Variants in EPB41L3 observed in about 807,000 individuals in gnomAD.
EPB41L3 encodes the protein erythrocyte membrane protein band 4.1 like 3.
EPB41L3 carries 57 observed loss-of-function variants against 127.1 expected under a neutral mutation model. The observed-to-expected ratio is 0.45, with a 90% CI of 0.36 to 0.56. The LOEUF is 0.56. EPB41L3 is among the 20% of genes least tolerant of loss of function. The pLI, the probability that EPB41L3 is intolerant of heterozygous loss-of-function variation, is 0.00. For synonymous variants in EPB41L3, 572 were observed against 549.5 expected (o/e 1.04, Z -0.57); for missense variants, 1,273 against 1,372.2 (o/e 0.93, Z 1.14).
At chr18:5,575,066 A>T (rs2094324120) in intron 3 of EPB41L3, among the ~76,000 whole-genome samples, 3 of 152,096 alleles carry the variant, frequency 2.0e-5, no homozygotes, top group African/African-American at 7.2e-5. Flanking sequence ...ACTACTAACT[A>T]GGGTTACATC....
At chr18:5,628,731 C>A (rs1175109485) in intron 1 of EPB41L3, among the ~76,000 whole-genome samples, 1 of 152,104 alleles carries the variant, frequency 6.6e-6, no homozygotes, top group Non-Finnish European at 1.5e-5. Context: ...GAACGCGCCG[C>A]GTGGTTGCTG....
At chr18:5,479,727 A>C (rs931644437) in intron 2 of EPB41L3, 20 of 150,400 alleles carry the variant, frequency 1.3e-4, no homozygotes, top group African/African-American at 4.4e-4. Flanking sequence ...CCAATTCTAA[A>C]GGCCAAAACA....
At chr18:5,460,468 T>C (rs1729037478) in intron 3 of EPB41L3, among the ~76,000 whole-genome samples, 1 of 152,224 alleles carries the variant, frequency 6.6e-6, no homozygotes, top group Admixed American at 6.5e-5. Flanking sequence ...TATATACACA[T>C]AGATATGTAT....
At chr18:5,525,501 T>C (rs957454102) in intron 1 of EPB41L3, among the ~76,000 whole-genome samples, 1 of 152,184 alleles carries the variant, frequency 6.6e-6, no homozygotes, top group Non-Finnish European at 1.5e-5. Flanking sequence ...GACACTGACA[T>C]TAAGTGATAC....
chr18:5,431,006 C>A (rs566559102), intron 8 of EPB41L3, among the ~76,000 whole-genome samples: 2 of 152,088 alleles, frequency 1.3e-5, no homozygotes, highest in East Asian at 1.9e-4. Flanking sequence ...AAGGGGCATA[C>A]GATTTCTTTA....
chr18:5,501,260 G>C (rs939596260), intron 1 of EPB41L3, among the ~76,000 whole-genome samples: 1 of 145,906 alleles, frequency 6.9e-6, no homozygotes. Flanking sequence ...CAGCAGACTG[G>C]GGGTCATTAA....
intron 1 of EPB41L3, among the ~76,000 whole-genome samples, chr18:5,625,509 T>C (rs1166013949): frequency 1.3e-5 from 2 of 152,222 alleles, no homozygotes; most frequent in Non-Finnish European, 2.9e-5. Flanking sequence ...ATGAAATTGA[T>C]GAATGAAATT....
upstream of EPB41L3, among the ~76,000 whole-genome samples, chr18:5,545,737 T>C (rs1598886459): frequency 1.3e-5 from 2 of 152,280 alleles, no homozygotes; most frequent in South Asian, 2.1e-4. Flanking sequence ...AGGGCCTGAA[T>C]TGTCTTTCAG....
At chr18:5,540,606 AG>A (rs2149040317) in intron 1 of EPB41L3, 1 of 949,620 alleles carries the variant, frequency 1.1e-6, no homozygotes, top group Admixed American at 6.2e-5. Context: ...ACAAATCAGC[AG>A]CTAGCTAGCC....
Position 5,395,059 on chromosome 18 carries a change from C to G in EPB41L3, c.3153+8G>C. On this transcript the variant is annotated splice_region_variant and intron_variant, in intron 21 of 22. Coordinates refer to ENST00000341928, the MANE Select transcript of EPB41L3 (RefSeq NM_012307.5). ...CTGCCAGGGTATTTACCGTCTCACA[C>G]ACACTACCTGGTCATGGTCAATGTC... 1 of 1,613,816 alleles carries G rather than the reference C, an allele frequency of 6.2e-7. No individual in the cohort carries two copies. Among genetic ancestry groups the G allele is most frequent in the Non-Finnish European group, 8.5e-7 (1 of 1,179,672 alleles).
At chr18:5,540,827 G>A (rs1207988230) in intron 1 of EPB41L3, among the ~76,000 whole-genome samples, 2 of 152,102 alleles carry the variant, frequency 1.3e-5, no homozygotes, top group African/African-American at 4.8e-5. Flanking sequence ...GCTCACGCCT[G>A]TAATCCCAGC....
chr18:5,547,125 CAGAA>C (rs1315544685), upstream of EPB41L3, among the ~76,000 whole-genome samples: 1 of 152,152 alleles, frequency 6.6e-6, no homozygotes. Flanking sequence ...CTCTTCCACA[CAGAA>C]AGGAGAAGGA....
intron 2 of EPB41L3, among the ~76,000 whole-genome samples, chr18:5,478,817 A>C: frequency 6.6e-6 from 1 of 152,208 alleles, no homozygotes; most frequent in East Asian, 1.9e-4. Context: ...TTAATTCACC[A>C]GATCCTTCTA....
At chr18:5,443,951 G>T in intron 4 of EPB41L3, 71 bp from the exon 5 acceptor site, 1 of 1,321,798 alleles carries the variant, frequency 7.6e-7, no homozygotes, top group Non-Finnish European at 1.1e-6. Flanking sequence ...ATTAGGTACA[G>T]ACTCTCCCTA....
intron 1 of EPB41L3, among the ~76,000 whole-genome samples, chr18:5,498,704 A>C (rs901882030): frequency 3.9e-5 from 6 of 152,114 alleles, no homozygotes; most frequent in Non-Finnish European, 8.8e-5. Flanking sequence ...AAATCAAATC[A>C]AAGTGGACAT....
At chr18:5,470,134 T>C (rs1006409543) in intron 3 of EPB41L3, among the ~76,000 whole-genome samples, 1 of 152,172 alleles carries the variant, frequency 6.6e-6, no homozygotes, top group Admixed American at 6.5e-5. Context: ...GAGCAGGAGA[T>C]CTGGGTTCTA....
In EPB41L3 at chr18:5,516,602, G is replaced by A. The variant is rs144659049; in HGVS notation, c.-12+27311C>T. ...AGCATTTCCTTTTTCCACAGCCACAGCTATATGACTGTCGTGGATATCAGC... is the reference window on the plus strand; with the variant it reads ...AGCATTTCCTTTTTCCACAGCCACAACTATATGACTGTCGTGGATATCAGC... On this transcript the variant is annotated intron_variant, in intron 1 of 22. Transcript: ENST00000341928. Among the ~76,000 whole-genome samples, 658 of 152,348 alleles carry A rather than the reference G, an allele frequency of 4.3e-3. 1 individual carries two copies. The highest frequency in any genetic ancestry group is 0.015 in the African/African-American group (624 of 41,576).
chr18:5,539,858 C>A (rs1428354759), intron 1 of EPB41L3, among the ~76,000 whole-genome samples: 1 of 152,124 alleles, frequency 6.6e-6, no homozygotes, highest in South Asian at 2.1e-4. Flanking sequence ...ATAATTAGTA[C>A]ATAAAACAAA....
Position 5,393,384 on chromosome 18 carries a change from ATACAAG to A in EPB41L3, c.*95_*100del. 1 of 655,180 alleles carries A rather than the reference ATACAAG, an allele frequency of 1.5e-6. No individual in the cohort carries two copies. The allele number at this position is 655,180 out of a possible 1,614,324, so 40.6% of individuals were successfully genotyped here. ...CTGGACTGAAATTTTCCACGGACAGATACAAGTCAGTTGGGTTAGAAGAGGGAACTC... is the reference window on the plus strand; with the variant it reads ...CTGGACTGAAATTTTCCACGGACAGATCAGTTGGGTTAGAAGAGGGAACTC... On this transcript the variant is annotated 3_prime_UTR_variant, in exon 23 of 23. Coordinates refer to ENST00000341928, the MANE Select transcript of EPB41L3 (RefSeq NM_012307.5).
Sources: gnomAD v4.1 joint callset for allele counts (sites outside exome capture counted in the v4.1 genomes callset) on GRCh38, gnomAD v4.1.1 for gene constraint, MANE v1.5 for transcripts, NCBI Gene and HGNC (gene_info 2026-07-23, HGNC 2026-07-21) for gene names.